DNER: variants seen among roughly 807,000 people sequenced by gnomAD.
The protein encoded by DNER is delta/notch like EGF repeat containing.
DNER carries 33 observed loss-of-function variants against 78.2 expected under a neutral mutation model. The ratio of observed to expected loss-of-function variants is 0.42; its 90% CI spans 0.32 to 0.56. The LOEUF is 0.56. Among genes scored for constraint, DNER ranks in the 20% least tolerant of loss-of-function variants. DNER has a pLI of 0.11. For synonymous variants in DNER, 417 were observed against 384.8 expected, an observed-to-expected ratio of 1.08 and a Z score of -0.98; for missense variants, 918 against 975.3, an observed-to-expected ratio of 0.94 and a Z score of 0.78.
chr2:229,648,532 T>A (rs2154216207), intron 1 of DNER, among the ~76,000 whole-genome samples: 1 of 152,360 alleles, frequency 6.6e-6, no homozygotes, highest in East Asian at 1.9e-4. Flanking sequence ...AGTGCCGAAT[T>A]GAAGCTGTCT....
intron 1 of DNER, among the ~76,000 whole-genome samples, chr2:229,604,017 A>G (rs77479851): frequency 0.016 from 2,501 of 152,258 alleles, 77 homozygotes; most frequent in African/African-American, 0.057. Flanking sequence ...ATGAAGCCAC[A>G]GGGACCAGGA....
intron 8 of DNER, among the ~76,000 whole-genome samples, chr2:229,443,333 T>C (rs1694275584): frequency 6.6e-6 from 1 of 152,076 alleles, no homozygotes; most frequent in Non-Finnish European, 1.5e-5. Context: ...ACACAAGCAA[T>C]ACTGTGGCTC....
chr2:229,650,950 C>T (rs1698805925), intron 1 of DNER, among the ~76,000 whole-genome samples: 1 of 152,172 alleles, frequency 6.6e-6, no homozygotes, highest in African/African-American at 2.4e-5. Flanking sequence ...TTGCTTGCCT[C>T]TCCATCATTT....
At chr2:229,635,547 T>A (rs1451778916) in intron 1 of DNER, among the ~76,000 whole-genome samples, 2 of 152,144 alleles carry the variant, frequency 1.3e-5, no homozygotes, top group East Asian at 3.9e-4. Flanking sequence ...GAAAGGCAAC[T>A]GAAGGAGGGA....
In DNER at chr2:229,640,202, C is replaced by T. The variant is rs1008604577; in HGVS notation, c.277-48314G>A. Among the ~76,000 whole-genome samples the T allele has an allele frequency of 3.3e-5, 5 of 152,224 alleles. No individual in the cohort carries two copies. In the South Asian group the frequency reaches 8.3e-4, roughly 25 times the overall value. On this transcript the variant is annotated intron_variant, in intron 1 of 12. Coordinates refer to ENST00000341772, the MANE Select transcript of DNER (RefSeq NM_139072.4). ...GCTAATATCAGCCCAAGTGTGCTTT[C>T]GTGAAGTAAAGTCAACACAATTTCA...
chr2:229,503,520 C>T (rs765007974), intron 6 of DNER, among the ~76,000 whole-genome samples: 25 of 152,300 alleles, frequency 1.6e-4, no homozygotes, highest in Admixed American at 5.9e-4. Flanking sequence ...ACGACATTGT[C>T]TCAGCTCAAT....
intron 1 of DNER, among the ~76,000 whole-genome samples, chr2:229,637,771 A>T (rs1698553113): frequency 6.6e-6 from 1 of 152,146 alleles, no homozygotes; most frequent in Non-Finnish European, 1.5e-5. Flanking sequence ...AATATTTACC[A>T]CTGCTCTAAG....
At chr2:229,431,999 A>C (rs188253698) in intron 8 of DNER, among the ~76,000 whole-genome samples, 1 of 152,318 alleles carries the variant, frequency 6.6e-6, no homozygotes, top group Non-Finnish European at 1.5e-5. Context: ...TATCCATTGT[A>C]AAGTGGCCTA....
At chr2:229,440,197 G>A (rs1157327180) in intron 8 of DNER, among the ~76,000 whole-genome samples, 1 of 152,150 alleles carries the variant, frequency 6.6e-6, no homozygotes, top group Non-Finnish European at 1.5e-5. Context: ...AATTTCTCAG[G>A]TCAGAAGCCT....
intron 4 of DNER, among the ~76,000 whole-genome samples, chr2:229,580,799 G>A (rs1697378224): frequency 6.6e-6 from 1 of 152,216 alleles, no homozygotes. Context: ...ATATTCCAGG[G>A]AGAATAACTG....
intron 4 of DNER, among the ~76,000 whole-genome samples, chr2:229,563,285 ATCC>A (rs1389675164): frequency 7.0e-6 from 1 of 143,626 alleles, no homozygotes. Flanking sequence ...CACCATCATC[ATCC>A]TCCTCCTCAT....
intron 7 of DNER, among the ~76,000 whole-genome samples, chr2:229,464,128 G>A (rs1195072830): frequency 6.6e-6 from 1 of 152,184 alleles, no homozygotes; most frequent in African/African-American, 2.4e-5. Flanking sequence ...AAGGAGTGAT[G>A]TTCAAATCAG....
At chr2:229,684,169 A>AGAGTGTGTGTGT (rs1184050138) in intron 1 of DNER, among the ~76,000 whole-genome samples, 3 of 94,596 alleles carry the variant, frequency 3.2e-5, no homozygotes, top group African/African-American at 1.4e-4. Flanking sequence ...AGAGAGAGAG[A>AGAGTGTGTGTGT]GTGTGTGTGT....
At chr2:229,484,719 A>G (rs1484407456) in intron 6 of DNER, among the ~76,000 whole-genome samples, 1 of 152,136 alleles carries the variant, frequency 6.6e-6, no homozygotes, top group Non-Finnish European at 1.5e-5. Context: ...AACACTCTCC[A>G]ATACACAAGA....
chr2:229,397,774 T>A (rs958868452), intron 10 of DNER, among the ~76,000 whole-genome samples: 1 of 152,058 alleles, frequency 6.6e-6, no homozygotes, highest in Non-Finnish European at 1.5e-5. Flanking sequence ...ATAAGTAATC[T>A]ATGGATCAAA....
At chr2:229,457,494 C>A (rs1694601434) in intron 7 of DNER, among the ~76,000 whole-genome samples, 1 of 151,844 alleles carries the variant, frequency 6.6e-6, no homozygotes, top group Non-Finnish European at 1.5e-5. Flanking sequence ...ATTCCCAGAG[C>A]AGCCACTAAA....
chr2:229,629,943 T>G (rs1004918169), intron 1 of DNER, among the ~76,000 whole-genome samples: 2 of 152,254 alleles, frequency 1.3e-5, no homozygotes, highest in African/African-American at 4.8e-5. Context: ...TTATTATGAC[T>G]GGCAGAAAAT....
At chr2:229,423,061 G>A (rs1574836736) in intron 8 of DNER, among the ~76,000 whole-genome samples, 3 of 152,268 alleles carry the variant, frequency 2.0e-5, no homozygotes, top group South Asian at 4.2e-4. Context: ...CTAGCCCTTA[G>A]ATGGTGTTTA....
intron 7 of DNER, among the ~76,000 whole-genome samples, chr2:229,462,244 G>T (rs1327501998): frequency 6.6e-6 from 1 of 152,080 alleles, no homozygotes; most frequent in African/African-American, 2.4e-5. Context: ...GCAAGACAAT[G>T]AAGTCACTCT....
Sources: gnomAD v4.1 joint callset for allele counts (sites outside exome capture counted in the v4.1 genomes callset) on GRCh38, gnomAD v4.1.1 for gene constraint, MANE v1.5 for transcripts, NCBI Gene and HGNC (gene_info 2026-07-23, HGNC 2026-07-21) for gene names.